The following INPP4B variants were observed in gnomAD, a reference collection of about 807,000 sequenced individuals.
INPP4B encodes the protein inositol polyphosphate-4-phosphatase type II B, also known as inositol polyphosphate 4-phosphatase type II.
In INPP4B, 55 loss-of-function variants were observed where a neutral mutation model predicts 122.5. The ratio of observed to expected loss-of-function variants is 0.45; its 90% CI spans 0.36 to 0.56. The LOEUF is 0.56. Ranked by LOEUF, INPP4B falls within the 20% of genes least tolerant of loss-of-function variation. The probability of loss-of-function intolerance (pLI) is 0.00; values close to 1 mark genes in which losing one functional copy is unlikely to be tolerated. For synonymous variants in INPP4B, 403 were observed against 388.7 expected (o/e 1.04, Z -0.43); for missense variants, 1,000 against 1,097.7 (o/e 0.91, Z 1.26).
At chr4:142,831,641 C>G (rs1782152512) in intron 1 of INPP4B, among the ~76,000 whole-genome samples, 1 of 152,128 alleles carries the variant, frequency 6.6e-6, no homozygotes, top group Admixed American at 6.6e-5. Context: ...ACACAAATTC[C>G]TCTCATATTT....
At chr4:142,719,347 A>T (rs1293646556) in intron 2 of INPP4B, among the ~76,000 whole-genome samples, 1 of 151,802 alleles carries the variant, frequency 6.6e-6, no homozygotes, top group Non-Finnish European at 1.5e-5. Context: ...TTTTTGAGAC[A>T]GGGTCTTACT....
At chr4:142,234,664 T>G (rs1408925009) in intron 12 of INPP4B, among the ~76,000 whole-genome samples, 1 of 152,244 alleles carries the variant, frequency 6.6e-6, no homozygotes, top group Non-Finnish European at 1.5e-5. Context: ...CTATACAGCC[T>G]GGTCATCATA....
intron 23 of INPP4B, among the ~76,000 whole-genome samples, chr4:142,096,817 T>C (rs1782020699): frequency 6.6e-6 from 1 of 152,162 alleles, no homozygotes; most frequent in Admixed American, 6.6e-5. Flanking sequence ...AATCTTCAGT[T>C]CACTGCAGAA....
At chr4:142,468,388 A>G (rs1818207858) in intron 2 of INPP4B, among the ~76,000 whole-genome samples, 1 of 152,198 alleles carries the variant, frequency 6.6e-6, no homozygotes, top group Non-Finnish European at 1.5e-5. Context: ...AATTTAGAAG[A>G]GATCAAGGAG....
Position 142,145,441 on chromosome 4 carries a change from T to C in INPP4B, c.1720+399A>G, listed in dbSNP as rs144457540. 2.6e-5 allele frequency among the ~76,000 whole-genome samples: 4 copies of C among 152,290 alleles called. No individual in the cohort carries two copies. The East Asian group carries it at 7.7e-4, about 29-fold the overall frequency. Reference sequence around the variant, plus strand: ...GCAAAAATCATCCTATCTGATTACATTCTGTTAAGAAACCACTGTGAGATA... The same window carrying C: ...GCAAAAATCATCCTATCTGATTACACTCTGTTAAGAAACCACTGTGAGATA... On this transcript the variant is annotated intron_variant, in intron 18 of 25. Transcript: ENST00000262992.
Position 142,665,068 on chromosome 4 carries a change from C to T in INPP4B, c.-191+60771G>A, listed in dbSNP as rs936393090. On this transcript the variant is annotated intron_variant, in intron 2 of 25. Coordinates refer to ENST00000262992, the MANE Select transcript of INPP4B (RefSeq NM_001101669.3). The stretch of plus-strand genomic sequence containing the variant: ...TCTAAACATATCTAAACATGGAAAA[C>T]GTACAGTTAAAATATGATATTATAA... 1.2e-4 allele frequency among the ~76,000 whole-genome samples: 18 copies of T among 152,180 alleles called. No homozygotes were observed. In the Middle Eastern group the frequency reaches 0.014, roughly 115 times the overall value.
At chr4:142,161,354 C>T (rs1819996243) in intron 16 of INPP4B, among the ~76,000 whole-genome samples, 1 of 151,944 alleles carries the variant, frequency 6.6e-6, no homozygotes, top group Non-Finnish European at 1.5e-5. Flanking sequence ...CTGTAATAGA[C>T]TGAAGGGTGC....
chr4:142,417,228 A>G (rs1004298121), intron 5 of INPP4B, among the ~76,000 whole-genome samples: 2 of 152,182 alleles, frequency 1.3e-5, no homozygotes, highest in Admixed American at 1.3e-4. Context: ...CACTACTCAA[A>G]TTAAATTAAA....
Position 142,405,131 on chromosome 4 carries a change from G to C in INPP4B, c.255+75C>G, listed in dbSNP as rs571355417. On this transcript the variant is annotated intron_variant, in intron 6 of 25. Coordinates refer to ENST00000262992, the MANE Select transcript of INPP4B (RefSeq NM_001101669.3). ...ATGGGGCGGGGGTGGGGGGGAGGGA[G>C]AGAGAGAGCAAGAGCGAGCGAGCCA... The C allele has an allele frequency of 1.7e-4, 140 of 802,562 alleles. No homozygotes were observed. The African/African-American group carries it at 2.2e-3, about 12-fold the overall frequency. 49.7% of individuals were successfully genotyped at this position (802,562 alleles called of 1,614,324 possible). A position where few individuals can be genotyped will look rare whatever the true frequency, so the allele number is the denominator to read the frequency against.
chr4:142,448,122 C>T (rs1383792752), intron 3 of INPP4B, among the ~76,000 whole-genome samples: 2 of 151,936 alleles, frequency 1.3e-5, no homozygotes, highest in East Asian at 3.9e-4. Context: ...CTCAGGATGA[C>T]AGGGATGTGA....
chr4:142,256,248 A>T (rs1363337547), intron 11 of INPP4B, among the ~76,000 whole-genome samples: 1 of 152,038 alleles, frequency 6.6e-6, no homozygotes, highest in Non-Finnish European at 1.5e-5. Flanking sequence ...CACAAGAGAA[A>T]GCAGGAAAGA....
intron 2 of INPP4B, among the ~76,000 whole-genome samples, chr4:142,508,426 T>C (rs1457431622): frequency 6.6e-6 from 1 of 152,102 alleles, no homozygotes; most frequent in East Asian, 1.9e-4. Context: ...AGGTGCATGC[T>C]ACCATGCCTG....
intron 1 of INPP4B, among the ~76,000 whole-genome samples, chr4:142,749,295 A>G (rs1436906841): frequency 2.0e-5 from 3 of 147,484 alleles, no homozygotes; most frequent in Non-Finnish European, 4.5e-5. Flanking sequence ...ATATATATAT[A>G]AAACATATAT....
At chr4:142,164,411 T>C (rs1672250122) in intron 16 of INPP4B, among the ~76,000 whole-genome samples, 2 of 151,842 alleles carry the variant, frequency 1.3e-5, no homozygotes, top group Non-Finnish European at 2.9e-5. Context: ...TGATTATTAT[T>C]TTAGTAATCA....
intron 7 of INPP4B, among the ~76,000 whole-genome samples, chr4:142,365,403 C>G (rs1195600023): frequency 6.6e-6 from 1 of 152,072 alleles, no homozygotes; most frequent in Non-Finnish European, 1.5e-5. Flanking sequence ...TTGTGCTTCT[C>G]CACAGAAATG....
intron 2 of INPP4B, among the ~76,000 whole-genome samples, chr4:142,641,399 C>T (rs1275076966): frequency 1.3e-5 from 2 of 151,776 alleles, no homozygotes; most frequent in African/African-American, 4.8e-5. Flanking sequence ...AGGTATACCA[C>T]CTAATGCTAT....
chr4:142,801,990 C>T (rs1778058772), intron 1 of INPP4B, among the ~76,000 whole-genome samples: 1 of 152,058 alleles, frequency 6.6e-6, no homozygotes, highest in African/African-American at 2.4e-5. Flanking sequence ...CATCAACATA[C>T]AGATTAAAAA....
chr4:142,128,452 C>T (rs1363755377), intron 18 of INPP4B, among the ~76,000 whole-genome samples: 1 of 152,070 alleles, frequency 6.6e-6, no homozygotes, highest in Non-Finnish European at 1.5e-5. Flanking sequence ...TAGTCACTGC[C>T]CCACTATCTC....
intron 2 of INPP4B, among the ~76,000 whole-genome samples, chr4:142,669,841 TG>T (rs1198292885): frequency 6.6e-6 from 1 of 151,972 alleles, no homozygotes; most frequent in Admixed American, 6.6e-5. Context: ...AGATAACAAG[TG>T]TTGGCCAGAA....
Sources: gnomAD v4.1 joint callset for allele counts (sites outside exome capture counted in the v4.1 genomes callset) on GRCh38, gnomAD v4.1.1 for gene constraint, MANE v1.5 for transcripts, NCBI Gene and HGNC (gene_info 2026-07-23, HGNC 2026-07-21) for gene names.